The following DCAF4 variants were observed in gnomAD, a reference collection of about 807,000 sequenced individuals.
The protein encoded by DCAF4 is DDB1 and CUL4 associated factor 4.
DCAF4 carries 37 observed loss-of-function variants against 60.9 expected under a neutral mutation model. The ratio of observed to expected loss-of-function variants is 0.61; its 90% CI spans 0.47 to 0.80. The LOEUF (loss-of-function observed/expected upper bound fraction) is 0.80. Among genes scored for constraint, DCAF4 ranks in the 30% least tolerant of loss-of-function variants. The pLI, the probability that DCAF4 is intolerant of heterozygous loss-of-function variation, is 0.00. For synonymous variants in DCAF4, 243 were observed against 254.8 expected (o/e 0.95, Z 0.44); for missense variants, 577 against 650.0 (o/e 0.89, Z 1.22).
intron 2 of DCAF4, among the ~76,000 whole-genome samples, chr14:72,938,926 G>A (rs1299775915): frequency 1.3e-5 from 2 of 151,988 alleles, no homozygotes; most frequent in East Asian, 2.0e-4. Flanking sequence ...AAGAGATGAG[G>A]TCTCACTCTG....
chr14:72,959,101 C>T lies in DCAF4; in HGVS notation c.*296C>T. The T allele has an allele frequency of 9.3e-7, 1 of 1,080,776 alleles. No individual in the cohort carries two copies. The allele number at this position is 1,080,776 out of a possible 1,614,324, so 66.9% of individuals were successfully genotyped here. On this transcript the variant is annotated 3_prime_UTR_variant, in exon 14 of 14. Transcript: ENST00000358377. ...CCCTGCCTTTTCTTAACAAAAAGGACTTTTCTAAGGACTGAAGATTGGCAA... is the reference window on the plus strand; with the variant it reads ...CCCTGCCTTTTCTTAACAAAAAGGATTTTTCTAAGGACTGAAGATTGGCAA...
intron 9 of DCAF4, 23 bp from the exon 10 acceptor site, chr14:72,954,141 A>G (rs1169062363): frequency 4.3e-6 from 7 of 1,613,642 alleles, no homozygotes; most frequent in Non-Finnish European, 5.9e-6. Flanking sequence ...GCCACACTTT[A>G]CATTCTCCTA....
intron 11 of DCAF4, 63 bp from the exon 12 acceptor site, chr14:72,955,460 G>A (rs1258415989): frequency 6.4e-7 from 1 of 1,572,568 alleles, no homozygotes; most frequent in African/African-American, 1.3e-5. Flanking sequence ...AGGAGGACCT[G>A]CCCTGCCCAG....
intron 1 of DCAF4, chr14:72,929,646 G>A: frequency 7.7e-7 from 1 of 1,306,144 alleles, no homozygotes. Flanking sequence ...CCTCATGGCA[G>A]CCAGTACCTT....
intron 1 of DCAF4, among the ~76,000 whole-genome samples, chr14:72,933,771 C>A (rs967059890): frequency 1.3e-5 from 2 of 152,154 alleles, no homozygotes; most frequent in Non-Finnish European, 2.9e-5. Flanking sequence ...CCAAAGTGTT[C>A]TTCCTTTATT....
At chr14:72,928,585 T>TTATATATATATATATATATATATATATA (rs57258334) in intron 1 of DCAF4, among the ~76,000 whole-genome samples, 1 of 15,932 alleles carries the variant, frequency 6.3e-5, no homozygotes, top group African/African-American at 9.4e-5. Context: ...TAAACATCCT[T>TTATATATATATATATATATATATATATA]TATATATATA....
intron 1 of DCAF4, among the ~76,000 whole-genome samples, chr14:72,929,101 G>A (rs1371202617): frequency 6.6e-6 from 1 of 152,164 alleles, no homozygotes; most frequent in Non-Finnish European, 1.5e-5. Flanking sequence ...CTCCCTACTG[G>A]GTGTAGCGCA....
At chr14:72,944,300 C>T (rs1890441643) in intron 6 of DCAF4, among the ~76,000 whole-genome samples, 1 of 152,170 alleles carries the variant, frequency 6.6e-6, no homozygotes, top group African/African-American at 2.4e-5. Flanking sequence ...AGATCTGAGT[C>T]TAGTCTCAAT....
intron 9 of DCAF4, among the ~76,000 whole-genome samples, chr14:72,953,279 C>T (rs922033157): frequency 2.0e-5 from 3 of 151,804 alleles, no homozygotes; most frequent in Non-Finnish European, 4.4e-5. Flanking sequence ...GGATTACAGG[C>T]GTGAGCCACC....
At chr14:72,955,994 C>T (rs757446239) in intron 12 of DCAF4, among the ~76,000 whole-genome samples, 2 of 120,914 alleles carry the variant, frequency 1.7e-5, no homozygotes, top group Non-Finnish European at 1.6e-5. Flanking sequence ...ACTATCTTGG[C>T]TTACTGCAAC....
chr14:72,955,583 G>A lies in DCAF4; in HGVS notation c.1066G>A (p.Gly356Arg), dbSNP rs1325947021. Residue 356 changes from glycine (G) to arginine (R), a missense_variant, in exon 12 of 14, where the codon GGA becomes AGA. Transcript: ENST00000358377. ...GEIFAIDLRC[G>R]NQGKGWKATR... ...AATCTTTGCCATTGATCTGCGTTGT[G>A]GAAATCAAGGCAAGGGATGGAAGGC... 3.7e-6 allele frequency: 6 copies of A among 1,614,168 alleles called. No individual in the cohort carries two copies. The highest frequency in any genetic ancestry group is 5.1e-6 in the Non-Finnish European group (6 of 1,180,014).
chr14:72,940,588 G>GTTTTTT (rs750585266), intron 4 of DCAF4: 14 of 276,512 alleles, frequency 5.1e-5, no homozygotes, highest in Non-Finnish European at 7.1e-5. Context: ...TGTTCGATAA[G>GTTTTTT]TTGTTTTTTT....
intron 2 of DCAF4, among the ~76,000 whole-genome samples, chr14:72,939,560 G>T (rs1889743758): frequency 1.3e-5 from 2 of 152,280 alleles, no homozygotes; most frequent in African/African-American, 4.8e-5. Flanking sequence ...CGAGTGAGAA[G>T]ATAAGAAGAG....
intron 1 of DCAF4, among the ~76,000 whole-genome samples, chr14:72,928,585 T>TTTTATATATA (rs1283241933): frequency 6.3e-5 from 1 of 15,936 alleles, no homozygotes; most frequent in Admixed American, 9.9e-4. Context: ...TAAACATCCT[T>TTTTATATATA]TATATATATA....
At chr14:72,946,723 T>C (rs543429504) in intron 7 of DCAF4, among the ~76,000 whole-genome samples, 4 of 152,292 alleles carry the variant, frequency 2.6e-5, no homozygotes, top group African/African-American at 9.6e-5. Context: ...AGGAGCTTGC[T>C]GTCTAGGGAG....
chr14:72,955,568 A>G lies in DCAF4; in HGVS notation c.1051A>G (p.Ile351Val). 6.2e-7 allele frequency: 1 copy of G among 1,614,094 alleles called. No homozygotes were observed. Among genetic ancestry groups the G allele is most frequent in the Non-Finnish European group, 8.5e-7 (1 of 1,180,002 alleles). Reference sequence around the variant, plus strand: ...CTGCCGCTCTGGGGAAATCTTTGCCATTGATCTGCGTTGTGGAAATCAAGG... The same window carrying G: ...CTGCCGCTCTGGGGAAATCTTTGCCGTTGATCTGCGTTGTGGAAATCAAGG... ...NGCRSGEIFA[I>V]DLRCGNQGKG... is the part of the protein sequence containing the mutation. The change falls in exon 12 of 14, where the codon ATT becomes GTT. Residue 351 changes from isoleucine (I) to valine (V), a missense_variant. Coordinates refer to ENST00000358377, the MANE Select transcript of DCAF4 (RefSeq NM_015604.4).
At chr14:72,929,770 C>G (rs1888279303) in intron 1 of DCAF4, 2 of 1,047,114 alleles carry the variant, frequency 1.9e-6, no homozygotes, top group Admixed American at 1.7e-5. Context: ...GCGCGCAGCT[C>G]GTACGAAGCG....
At chr14:72,944,097 T>C (rs1890407495) in intron 6 of DCAF4, among the ~76,000 whole-genome samples, 1 of 152,134 alleles carries the variant, frequency 6.6e-6, no homozygotes, top group Admixed American at 6.5e-5. Context: ...GTGGGGGTCA[T>C]TGGTGTGTGG....
intron 11 of DCAF4, among the ~76,000 whole-genome samples, chr14:72,954,929 A>G (rs1892068092): frequency 6.6e-6 from 1 of 152,144 alleles, no homozygotes; most frequent in South Asian, 2.1e-4. Context: ...AGCCTAGCCA[A>G]GATGGTGAAA....
Sources: allele counts gnomAD v4.1 joint callset (sites outside exome capture counted in the v4.1 genomes callset), GRCh38; gene constraint gnomAD v4.1.1; transcripts MANE v1.5; gene names NCBI Gene and HGNC (gene_info 2026-07-23, HGNC 2026-07-21).